Variants in PEAK1 observed in about 807,000 individuals in gnomAD.
The protein encoded by PEAK1 is inactive tyrosine-protein kinase PEAK1.
In PEAK1, 54 loss-of-function variants were observed where a neutral mutation model predicts 124.7. The observed-to-expected ratio is 0.43, with a 90% confidence interval of 0.35 to 0.54. PEAK1 has a LOEUF of 0.54. PEAK1 is among the 20% of genes least tolerant of loss of function. The probability of loss-of-function intolerance (pLI) is 0.01; values close to 1 mark genes in which losing one functional copy is unlikely to be tolerated. For missense variants in PEAK1, 2,046 were observed against 2,134.5 expected (o/e 0.96, Z 0.82); for synonymous variants, 719 against 760.0 (o/e 0.95, Z 0.89).
intron 1 of PEAK1, among the ~76,000 whole-genome samples, chr15:77,386,809 C>A (rs188868410): frequency 3.5e-4 from 53 of 152,278 alleles, no homozygotes; most frequent in African/African-American, 1.2e-3. Flanking sequence ...TGTCTAGATT[C>A]CTACTGAACT....
At chr15:77,333,104 A>G (rs944149891) in intron 2 of PEAK1, 2 of 983,068 alleles carry the variant, frequency 2.0e-6, no homozygotes, top group African/African-American at 3.5e-5. Context: ...AATTTTGTTG[A>G]TGGTATTTGA....
At chr15:77,210,667 G>C (rs2058862318) in intron 6 of PEAK1, among the ~76,000 whole-genome samples, 1 of 152,184 alleles carries the variant, frequency 6.6e-6, no homozygotes, top group African/African-American at 2.4e-5. Context: ...ATCACCTGAG[G>C]TCAGGAGTTT....
rs1476375356 is a variant in PEAK1 at position 77,111,916 on chromosome 15, T to A, written c.*2240A>T. On this transcript the variant is annotated 3_prime_UTR_variant, in exon 10 of 10. Transcript: ENST00000682557. ...TGGGAGGTGGGGGAGGTTAAGGGAATGTGCTGGCTGACATGGTCAGTGGTC... is the reference window on the plus strand; with the variant it reads ...TGGGAGGTGGGGGAGGTTAAGGGAAAGTGCTGGCTGACATGGTCAGTGGTC... The A allele has an allele frequency of 1.3e-5, 2 of 152,276 alleles. No individual in the cohort carries two copies. The highest frequency in any genetic ancestry group is 2.9e-5 in the Non-Finnish European group (2 of 68,078). 9.4% of individuals were successfully genotyped at this position (152,276 alleles called of 1,614,324 possible).
At chr15:77,227,195 T>A (rs1440555581) in intron 6 of PEAK1, among the ~76,000 whole-genome samples, 1 of 152,162 alleles carries the variant, frequency 6.6e-6, no homozygotes, top group Non-Finnish European at 1.5e-5. Context: ...AAAATGGCAA[T>A]CTAGAATAAG....
At chr15:77,187,707 G>A (rs1041800393) in intron 6 of PEAK1, among the ~76,000 whole-genome samples, 14 of 152,298 alleles carry the variant, frequency 9.2e-5, no homozygotes, top group Admixed American at 1.3e-4. Context: ...CATAAAATCT[G>A]TCACATTGCC....
At chr15:77,163,920 T>C (rs902949599) in intron 7 of PEAK1, among the ~76,000 whole-genome samples, 2 of 152,208 alleles carry the variant, frequency 1.3e-5, no homozygotes, top group African/African-American at 4.8e-5. Context: ...GTCATCGTTT[T>C]GTTACTGGTT....
At chr15:77,252,812 T>C (rs1429550162) in intron 5 of PEAK1, among the ~76,000 whole-genome samples, 2 of 152,178 alleles carry the variant, frequency 1.3e-5, no homozygotes, top group Non-Finnish European at 2.9e-5. Context: ...AGAGACTTAT[T>C]CTACTGGAAG....
chr15:77,134,206 T>C (rs1420626213), intron 8 of PEAK1, among the ~76,000 whole-genome samples: 1 of 152,234 alleles, frequency 6.6e-6, no homozygotes, highest in Admixed American at 6.5e-5. Context: ...ATGTGACCAT[T>C]AGACAGGGGC....
intron 7 of PEAK1, among the ~76,000 whole-genome samples, chr15:77,165,794 C>A (rs11854193): frequency 0.66 from 99,895 of 152,030 alleles, 33,778 homozygotes; most frequent in Non-Finnish European, 0.76. Context: ...CAGGAGGTAG[C>A]TACAATAATT....
chr15:77,277,435 C>T (rs368565174), intron 5 of PEAK1, among the ~76,000 whole-genome samples: 4 of 151,956 alleles, frequency 2.6e-5, no homozygotes, highest in South Asian at 2.1e-4. Flanking sequence ...TACCAAAGAA[C>T]GATATACTAC....
intron 1 of PEAK1, among the ~76,000 whole-genome samples, chr15:77,409,210 G>T (rs2072193209): frequency 9.5e-6 from 1 of 104,814 alleles, no homozygotes; most frequent in Non-Finnish European, 1.9e-5. Flanking sequence ...GTGGGTGAAA[G>T]TATAAATGTA....
intron 2 of PEAK1, among the ~76,000 whole-genome samples, chr15:77,297,757 C>CA (rs370114659): frequency 0.35 from 29,723 of 85,350 alleles, 5,882 homozygotes; most frequent in East Asian, 0.63. Context: ...GATTTTGCCT[C>CA]AAAAAAAAAA....
intron 5 of PEAK1, among the ~76,000 whole-genome samples, chr15:77,268,671 GGAAATTCATC>G (rs202084496): frequency 0.049 from 7,437 of 152,072 alleles, 235 homozygotes; most frequent in Non-Finnish European, 0.076. Context: ...AGAACTCCTG[GGAAATTCATC>G]GCAAAAACAT....
intron 2 of PEAK1, among the ~76,000 whole-genome samples, chr15:77,306,236 A>G (rs2064094964): frequency 2.0e-5 from 3 of 152,302 alleles, no homozygotes; most frequent in Non-Finnish European, 4.4e-5. Flanking sequence ...AGGAAGACTA[A>G]TTAGTCAGGA....
chr15:77,149,339 GA>G (rs1442233461), intron 8 of PEAK1, among the ~76,000 whole-genome samples: 1 of 152,054 alleles, frequency 6.6e-6, no homozygotes. Flanking sequence ...CCTTATTAAA[GA>G]AACAAAGAAA....
chr15:77,148,505 G>T (rs1292477890), intron 8 of PEAK1, among the ~76,000 whole-genome samples: 1 of 152,158 alleles, frequency 6.6e-6, no homozygotes, highest in Non-Finnish European at 1.5e-5. Flanking sequence ...CATGAGTTGT[G>T]CAGGAAGCCC....
At position 77,181,520 on chromosome 15, in the gene PEAK1, T is replaced by C; in HGVS notation, c.407A>G (p.Asn136Ser). The part of the protein sequence containing the change: ...ISHVPKPYGN[N>S]DSAKKMSDNN... ...ATCTGACATCTTCTTTGCACTATCATTATTGCCATAAGGCTTAGGAACATG... is the reference window on the plus strand; with the variant it reads ...ATCTGACATCTTCTTTGCACTATCACTATTGCCATAAGGCTTAGGAACATG... The change falls in exon 7 of 10, where the codon AAT (asparagine) becomes AGT (serine). Residue 136 changes from asparagine (N) to serine (S), a missense_variant. Coordinates refer to ENST00000682557, the MANE Select transcript of PEAK1 (RefSeq NM_001385026.1). 1.2e-6 allele frequency: 2 copies of C among 1,614,124 alleles called. No homozygotes were observed. Among genetic ancestry groups the C allele is most frequent in the Non-Finnish European group, 1.7e-6 (2 of 1,180,010 alleles).
At chr15:77,286,383 A>G (rs1243991429) in intron 3 of PEAK1, 40 bp downstream of exon 3, 2 of 1,037,448 alleles carry the variant, frequency 1.9e-6, no homozygotes, top group Non-Finnish European at 2.5e-6. Flanking sequence ...ATTTAAGACC[A>G]GAATAAACAT....
chr15:77,317,656 G>A (rs932405348), intron 2 of PEAK1, among the ~76,000 whole-genome samples: 3 of 152,074 alleles, frequency 2.0e-5, no homozygotes, highest in Non-Finnish European at 4.4e-5. Context: ...TTCACTCCTC[G>A]TTAGCCCTCA....
Sources: allele counts gnomAD v4.1 joint callset (sites outside exome capture counted in the v4.1 genomes callset), GRCh38; gene constraint gnomAD v4.1.1; transcripts MANE v1.5; gene names NCBI Gene and HGNC (gene_info 2026-07-23, HGNC 2026-07-21).